KRABD5: variants seen among roughly 807,000 people sequenced by gnomAD.
The protein encoded by KRABD5 is KRAB domain-containing protein 5.
chr16:31,761,164 A>G, the KRABD5 span: 3 of 152,224 alleles, frequency 2.0e-5, no homozygotes, highest in African/African-American at 7.2e-5. Context: ...GGAACAATTC[A>G]TTCCTCTCTG....
At chr16:31,715,767 T>C in the KRABD5 span, among the ~76,000 whole-genome samples, 1 of 152,062 alleles carries the variant, frequency 6.6e-6, no homozygotes, top group Non-Finnish European at 1.5e-5. Context: ...TGTTGGAGAA[T>C]TGGCTGGTGT....
At chr16:31,751,790 C>A in the KRABD5 span, among the ~76,000 whole-genome samples, 2 of 152,226 alleles carry the variant, frequency 1.3e-5, no homozygotes, top group South Asian at 4.1e-4. Context: ...TTAGTTATTT[C>A]TATTCTTCTA....
the KRABD5 span, among the ~76,000 whole-genome samples, chr16:31,735,920 A>C: frequency 6.6e-6 from 1 of 152,144 alleles, no homozygotes; most frequent in African/African-American, 2.4e-5. Flanking sequence ...AGGTTGATGT[A>C]ATCTCATTTG....
the KRABD5 span, among the ~76,000 whole-genome samples, chr16:31,721,677 T>C: frequency 6.6e-6 from 1 of 152,146 alleles, no homozygotes; most frequent in South Asian, 2.1e-4. Flanking sequence ...AAATAGTAAG[T>C]GTTCAAAAAG....
the KRABD5 span, chr16:31,759,233 A>G: frequency 3.7e-6 from 4 of 1,070,284 alleles, no homozygotes; most frequent in South Asian, 6.9e-5. Context: ...TAGCTTTTAG[A>G]ACAAAATACA....
the KRABD5 span, among the ~76,000 whole-genome samples, chr16:31,716,139 G>A: frequency 6.6e-6 from 1 of 152,148 alleles, no homozygotes; most frequent in African/African-American, 2.4e-5. Context: ...CCATACAGGT[G>A]CCTAGAGGAC....
chr16:31,713,598 G>A, the KRABD5 span: 3 of 1,055,496 alleles, frequency 2.8e-6, no homozygotes, highest in Non-Finnish European at 4.0e-6. Context: ...GCCGGCAGCC[G>A]GGACCCCGCG....
chr16:31,754,595 C>T, the KRABD5 span: 1 of 486,160 alleles, frequency 2.1e-6, no homozygotes, highest in Non-Finnish European at 4.0e-6. Flanking sequence ...CAACCATGTC[C>T]ATCAGAGTAT....
the KRABD5 span, among the ~76,000 whole-genome samples, chr16:31,749,064 G>A: frequency 6.6e-6 from 1 of 152,246 alleles, no homozygotes; most frequent in Non-Finnish European, 1.5e-5. Context: ...AGGAGGAAAG[G>A]CTAAGTCTGT....
At chr16:31,714,145 C>G in the KRABD5 span, among the ~76,000 whole-genome samples, 1 of 152,188 alleles carries the variant, frequency 6.6e-6, no homozygotes, top group Admixed American at 6.5e-5. Context: ...GGATGTCCGA[C>G]TTTAATGCCA....
chr16:31,741,980 C>G, the KRABD5 span, among the ~76,000 whole-genome samples: 1 of 151,824 alleles, frequency 6.6e-6, no homozygotes, highest in African/African-American at 2.4e-5. Context: ...GAAATGTAGG[C>G]GTCTATGTTC....
chr16:31,737,151 A>T, the KRABD5 span, among the ~76,000 whole-genome samples: 3 of 152,360 alleles, frequency 2.0e-5, no homozygotes, highest in Admixed American at 6.5e-5. Flanking sequence ...CATGATAAGG[A>T]TACCAATTTT....
the KRABD5 span, among the ~76,000 whole-genome samples, chr16:31,740,624 C>T: frequency 0.041 from 5,494 of 133,612 alleles, 272 homozygotes; most frequent in African/African-American, 0.12. Flanking sequence ...CAAGACCCTG[C>T]GTCTAAGATT....
At chr16:31,722,420 G>A in the KRABD5 span, among the ~76,000 whole-genome samples, 3 of 152,272 alleles carry the variant, frequency 2.0e-5, no homozygotes, top group Admixed American at 6.5e-5. Flanking sequence ...ATCTACACTG[G>A]TTTTGTGGAT....
chr16:31,743,384 T>C, the KRABD5 span, among the ~76,000 whole-genome samples: 1 of 152,336 alleles, frequency 6.6e-6, no homozygotes, highest in Middle Eastern at 3.4e-3. Flanking sequence ...AGGGAATCCT[T>C]TCCCCATTGC....
chr16:31,721,127 C>G, the KRABD5 span, among the ~76,000 whole-genome samples: 1 of 152,090 alleles, frequency 6.6e-6, no homozygotes, highest in Non-Finnish European at 1.5e-5. Context: ...AACACAAGCT[C>G]TTATTTTAGT....
At chr16:31,726,665 G>T in the KRABD5 span, among the ~76,000 whole-genome samples, 1 of 152,158 alleles carries the variant, frequency 6.6e-6, no homozygotes, top group Non-Finnish European at 1.5e-5. Context: ...GGAGGCTGAG[G>T]CAAGAGAATT....
chr16:31,740,157 T>G, the KRABD5 span, among the ~76,000 whole-genome samples: 2 of 152,184 alleles, frequency 1.3e-5, no homozygotes, highest in Non-Finnish European at 2.9e-5. Context: ...TATATTTCTG[T>G]GTGTGTGTCT....
chr16:31,756,201 G>A, the KRABD5 span: 2 of 152,022 alleles, frequency 1.3e-5, no homozygotes, highest in Non-Finnish European at 2.9e-5. Flanking sequence ...TTATTTTCTT[G>A]GAAATTTAAT....
Sources: gnomAD v4.1 joint callset for allele counts (sites outside exome capture counted in the v4.1 genomes callset) on GRCh38, gnomAD v4.1.1 for gene constraint, MANE v1.5 for transcripts, NCBI Gene and HGNC (gene_info 2026-07-23, HGNC 2026-07-21) for gene names.